Variants in GABRB1 observed in about 807,000 individuals in gnomAD.
GABRB1 encodes the protein gamma-aminobutyric acid type A receptor subunit beta1, also known as gamma-aminobutyric acid receptor subunit beta-1.
In GABRB1, 17 loss-of-function variants were observed where a neutral mutation model predicts 51.6. That is an observed-to-expected ratio of 0.33 (90% confidence interval 0.23 to 0.49). The LOEUF (loss-of-function observed/expected upper bound fraction) is 0.49, where lower values mean the gene tolerates loss of function less well. Among genes scored for constraint, GABRB1 ranks in the 20% least tolerant of loss-of-function variants. The pLI is 0.99. For missense variants in GABRB1, 410 were observed against 600.6 expected (o/e 0.68, Z 3.32); for synonymous variants, 247 against 218.9 (o/e 1.13, Z -1.14).
At chr4:47,415,673 A>G (rs1728894093) in intron 8 of GABRB1, among the ~76,000 whole-genome samples, 1 of 152,232 alleles carries the variant, frequency 6.6e-6, no homozygotes, top group Admixed American at 6.5e-5. Context: ...AGAGGAAGGT[A>G]GAATGGAATC....
intron 3 of GABRB1, chr4:47,032,882 C>A (rs933841496): frequency 2.1e-5 from 8 of 389,650 alleles, no homozygotes; most frequent in Non-Finnish European, 3.6e-5. Context: ...TCCCCAGGCG[C>A]GGTGCTGGCA....
In GABRB1 at chr4:47,400,514, C is replaced by A. The variant is rs183612792; in HGVS notation, c.545-2804C>A. Among the ~76,000 whole-genome samples, 7 of 143,164 alleles carry A rather than the reference C, an allele frequency of 4.9e-5. No individual in the cohort carries two copies. The East Asian group carries it at 1.4e-3, about 29-fold the overall frequency. 93.9% of individuals were successfully genotyped at this position (143,164 alleles called of 152,430 possible). ...CATAGTGAGCTCCAGCCTGTTGATGCACCAGGAGGTAGTCTCTCTCTCTCT... is the reference window on the plus strand; with the variant it reads ...CATAGTGAGCTCCAGCCTGTTGATGAACCAGGAGGTAGTCTCTCTCTCTCT... On this transcript the variant is annotated intron_variant, in intron 5 of 8. Transcript: ENST00000295454.
chr4:47,193,972 A>C (rs1365560093), intron 4 of GABRB1, among the ~76,000 whole-genome samples: 2 of 152,206 alleles, frequency 1.3e-5, no homozygotes, highest in Non-Finnish European at 2.9e-5. Context: ...TATTTCAGAC[A>C]CAATTCTCAA....
At position 46,998,595 on chromosome 4, in the gene GABRB1, G is replaced by A. The variant is rs577763322; in HGVS notation, c.-20+4669G>A. Among the ~76,000 whole-genome samples, 12 of 151,942 alleles carry A rather than the reference G, an allele frequency of 7.9e-5. No homozygotes were observed. The South Asian group carries it at 8.3e-4, about 11-fold the overall frequency. On this transcript the variant is annotated intron_variant, in intron 1 of 3. Transcript: ENST00000513567. ...AAAAATACAAAAAAATTAGCCAGGCGTGGTGGCAGGAGCCTGTAGTCCCAG... is the reference window on the plus strand; with the variant it reads ...AAAAATACAAAAAAATTAGCCAGGCATGGTGGCAGGAGCCTGTAGTCCCAG...
chr4:47,083,765 G>A (rs929839910), intron 3 of GABRB1, among the ~76,000 whole-genome samples: 1 of 152,158 alleles, frequency 6.6e-6, no homozygotes, highest in African/African-American at 2.4e-5. Flanking sequence ...GTTAATGAAT[G>A]TTACCCCTAT....
intron 3 of GABRB1, among the ~76,000 whole-genome samples, chr4:47,099,436 A>G (rs1041710278): frequency 6.6e-6 from 1 of 152,136 alleles, no homozygotes; most frequent in Non-Finnish European, 1.5e-5. Context: ...AAGGCAAGGT[A>G]TCACTCTGTT....
At chr4:47,267,253 CTT>C (rs1166020389) in intron 4 of GABRB1, among the ~76,000 whole-genome samples, 1 of 151,784 alleles carries the variant, frequency 6.6e-6, no homozygotes, top group African/African-American at 2.4e-5. Context: ...AGAGATGAGA[CTT>C]TATACATAAA....
chr4:47,395,948 A>G (rs1413461084), intron 5 of GABRB1, among the ~76,000 whole-genome samples: 2 of 152,066 alleles, frequency 1.3e-5, no homozygotes, highest in Admixed American at 1.3e-4. Context: ...GAGATTTTTA[A>G]TATTATATAT....
intron 3 of GABRB1, among the ~76,000 whole-genome samples, chr4:47,050,994 C>T (rs530838777): frequency 1.4e-3 from 208 of 152,136 alleles, no homozygotes; most frequent in African/African-American, 4.7e-3. Context: ...TGTGTGTGCC[C>T]TCTCTGTTAA....
At chr4:47,194,859 C>T (rs1719582690) in intron 4 of GABRB1, among the ~76,000 whole-genome samples, 1 of 152,078 alleles carries the variant, frequency 6.6e-6, no homozygotes. Flanking sequence ...TCAGAGACTA[C>T]GGAGAAGTGT....
At chr4:47,247,551 A>C (rs1192228828) in intron 4 of GABRB1, among the ~76,000 whole-genome samples, 1 of 151,988 alleles carries the variant, frequency 6.6e-6, no homozygotes, top group African/African-American at 2.4e-5. Flanking sequence ...TTCTAATTCT[A>C]TGAAGAATGA....
intron 3 of GABRB1, among the ~76,000 whole-genome samples, chr4:47,077,804 T>C (rs1727620497): frequency 2.1e-5 from 1 of 48,170 alleles, no homozygotes; most frequent in South Asian, 8.3e-4. Context: ...GATTAATAAT[T>C]AGAAACATAT....
chr4:47,197,236 C>G (rs1719718571), intron 4 of GABRB1, among the ~76,000 whole-genome samples: 1 of 152,164 alleles, frequency 6.6e-6, no homozygotes, highest in African/African-American at 2.4e-5. Flanking sequence ...GATTGCAAAG[C>G]CTAGAACTTC....
chr4:47,143,462 TACAC>T (rs936596420), intron 3 of GABRB1, among the ~76,000 whole-genome samples: 29 of 151,904 alleles, frequency 1.9e-4, no homozygotes, highest in African/African-American at 5.8e-4. Context: ...CACACACACA[TACAC>T]ACAAACACTG....
intron 1 of GABRB1, among the ~76,000 whole-genome samples, chr4:47,024,794 T>A (rs1489300150): frequency 6.6e-6 from 1 of 151,402 alleles, no homozygotes; most frequent in Non-Finnish European, 1.5e-5. Context: ...ATAGCTTAGC[T>A]CCCACTTATG....
Position 47,284,727 on chromosome 4 carries a change from T to C in GABRB1, c.462-35400T>C, listed in dbSNP as rs575500625. On this transcript the variant is annotated intron_variant, in intron 4 of 8. Coordinates refer to ENST00000295454, the MANE Select transcript of GABRB1 (RefSeq NM_000812.4). ...GATTGGTATGTTCTCTTGATTCTTA[T>C]TAGTTCTTTGAATATAAAAGCCCTA... 5.3e-5 allele frequency among the ~76,000 whole-genome samples: 8 copies of C among 152,332 alleles called. No individual in the cohort carries two copies. The South Asian group carries it at 1.7e-3, about 32-fold the overall frequency.
chr4:47,351,933 G>A (rs557215869), intron 5 of GABRB1, among the ~76,000 whole-genome samples: 1,763 of 152,116 alleles, frequency 0.012, 36 homozygotes, highest in African/African-American at 0.04. Flanking sequence ...CCAGTAATGG[G>A]ATGGCTGGGT....
At chr4:47,077,906 A>C in intron 3 of GABRB1, among the ~76,000 whole-genome samples, 1 of 134,652 alleles carries the variant, frequency 7.4e-6, no homozygotes, top group South Asian at 2.2e-4. Context: ...TATGTATTTT[A>C]TATATATTAT....
upstream of GABRB1, among the ~76,000 whole-genome samples, chr4:47,027,760 T>A (rs547909274): frequency 1.4e-4 from 21 of 151,764 alleles, 1 homozygote; most frequent in African/African-American, 4.3e-4. Flanking sequence ...ACAAAGGATA[T>A]GTAAATATCT....
Sources: gnomAD v4.1 joint callset for allele counts (sites outside exome capture counted in the v4.1 genomes callset) on GRCh38, gnomAD v4.1.1 for gene constraint, MANE v1.5 for transcripts, NCBI Gene and HGNC (gene_info 2026-07-23, HGNC 2026-07-21) for gene names.